The following PARD3 variants were observed in gnomAD, a reference collection of about 807,000 sequenced individuals.
The protein encoded by PARD3 is partitioning defective 3 homolog.
Under a neutral mutation model 155.4 loss-of-function variants are expected in PARD3, and 75 were observed. The observed-to-expected ratio is 0.48, with a 90% CI of 0.40 to 0.58. The LOEUF is 0.58. Among genes scored for constraint, PARD3 ranks in the 20% least tolerant of loss-of-function variants. PARD3 has a pLI of 0.00. For missense variants in PARD3, 1,642 were observed against 1,721.7 expected, an observed-to-expected ratio of 0.95 and a Z score of 0.82; for synonymous variants, 576 against 610.5, an observed-to-expected ratio of 0.94 and a Z score of 0.83.
intron 22 of PARD3, among the ~76,000 whole-genome samples, chr10:34,137,661 G>A (rs1372572300): frequency 6.6e-6 from 1 of 152,188 alleles, no homozygotes; most frequent in Non-Finnish European, 1.5e-5. Context: ...GAAACTGATT[G>A]TATGCTGGGT....
chr10:34,460,517 AG>A, intron 4 of PARD3, among the ~76,000 whole-genome samples: 1 of 152,300 alleles, frequency 6.6e-6, no homozygotes, highest in East Asian at 1.9e-4. Context: ...TAAACTCTCC[AG>A]GGCTCTACTT....
intron 2 of PARD3, among the ~76,000 whole-genome samples, chr10:34,590,139 G>A (rs1489534082): frequency 6.6e-6 from 1 of 152,038 alleles, no homozygotes; most frequent in Non-Finnish European, 1.5e-5. Context: ...CCTTCTCAAG[G>A]CTCTTCTCTT....
chr10:34,129,680 TTTTTTGTAATGTCAAGCCTC>T (rs147092499), intron 23 of PARD3, among the ~76,000 whole-genome samples: 27,601 of 140,234 alleles, frequency 0.2, 3,037 homozygotes, highest in Middle Eastern at 0.33. Flanking sequence ...ATGTTCCTTT[TTTTTTGTAATGTCAAGCCTC>T]TTTTTTTTTT....
At chr10:34,530,914 G>A (rs1316319292) in intron 2 of PARD3, among the ~76,000 whole-genome samples, 2 of 152,184 alleles carry the variant, frequency 1.3e-5, no homozygotes, top group Non-Finnish European at 2.9e-5. Context: ...AGGGGCGTTG[G>A]TCAATATCAA....
chr10:34,492,113 G>T (rs2079952116), intron 3 of PARD3, among the ~76,000 whole-genome samples: 1 of 152,170 alleles, frequency 6.6e-6, no homozygotes, highest in Non-Finnish European at 1.5e-5. Flanking sequence ...ATTAAGTAGG[G>T]ATGGTGATCA....
In PARD3 at chr10:34,516,122, G is replaced by A. The variant is rs372882387; in HGVS notation, c.403+857C>T. ...TGGGATTACAGGCAACCGCCACCAC[G>A]CCTGGCTAATTTTTGTATTTTTAGT... On this transcript the variant is annotated intron_variant, in intron 3 of 24. Coordinates refer to ENST00000374788, the MANE Select transcript of PARD3 (RefSeq NM_001184785.2). 4.7e-4 allele frequency among the ~76,000 whole-genome samples: 71 copies of A among 152,000 alleles called. 1 individual carries two copies. In the East Asian group the frequency reaches 7.9e-3, roughly 17 times the overall value.
intron 1 of PARD3, among the ~76,000 whole-genome samples, chr10:34,730,262 C>T (rs1241588082): frequency 6.6e-6 from 1 of 152,036 alleles, no homozygotes; most frequent in East Asian, 1.9e-4. Flanking sequence ...ACAAAAGCAA[C>T]GCATCTACAA....
intron 1 of PARD3, among the ~76,000 whole-genome samples, chr10:34,759,709 G>A (rs1564589334): frequency 6.6e-6 from 1 of 152,220 alleles, no homozygotes; most frequent in Non-Finnish European, 1.5e-5. Context: ...TACGCACAAG[G>A]ATTTCAGCCA....
intron 2 of PARD3, among the ~76,000 whole-genome samples, chr10:34,538,038 C>CT (rs1201795921): frequency 6.6e-6 from 1 of 152,180 alleles, no homozygotes; most frequent in Admixed American, 6.5e-5. Context: ...ACACTTCATC[C>CT]TAAGTGTAAT....
intron 5 of PARD3, among the ~76,000 whole-genome samples, chr10:34,445,065 T>C (rs1424878988): frequency 6.6e-6 from 1 of 152,186 alleles, no homozygotes; most frequent in African/African-American, 2.4e-5. Flanking sequence ...AGAGGATTTT[T>C]TTTTTTAAGC....
intron 7 of PARD3, among the ~76,000 whole-genome samples, chr10:34,393,241 C>T (rs1843002525): frequency 6.6e-6 from 1 of 150,756 alleles, no homozygotes; most frequent in South Asian, 2.1e-4. Flanking sequence ...GTGCCACAGA[C>T]TTAAGAATAA....
chr10:34,722,492 A>G (rs895593232), intron 1 of PARD3, among the ~76,000 whole-genome samples: 1 of 152,140 alleles, frequency 6.6e-6, no homozygotes, highest in Admixed American at 6.6e-5. Flanking sequence ...AGAAATGAGG[A>G]CTGAAGAACC....
intron 1 of PARD3, among the ~76,000 whole-genome samples, chr10:34,804,454 AG>A (rs1843135711): frequency 6.6e-6 from 1 of 152,214 alleles, no homozygotes; most frequent in Non-Finnish European, 1.5e-5. Flanking sequence ...CCTGTGTTGT[AG>A]TACATCAGGA....
At chr10:34,175,886 C>T (rs1242348434) in intron 22 of PARD3, among the ~76,000 whole-genome samples, 1 of 152,150 alleles carries the variant, frequency 6.6e-6, no homozygotes, top group Non-Finnish European at 1.5e-5. Context: ...CAGGTGTTTA[C>T]GTTCCTAAGC....
At chr10:34,689,250 G>A (rs574549386) in intron 2 of PARD3, among the ~76,000 whole-genome samples, 1 of 152,294 alleles carries the variant, frequency 6.6e-6, no homozygotes, top group Admixed American at 6.5e-5. Flanking sequence ...AATCAGGATC[G>A]AATGTCAGAG....
rs79773919 is a variant in PARD3 at position 34,211,281 on chromosome 10, C to T, written c.3419+58376G>A. On this transcript the variant is annotated intron_variant, in intron 22 of 24. Coordinates refer to ENST00000374788, the MANE Select transcript of PARD3 (RefSeq NM_001184785.2). ...TAAGGATTTGGGCCCAGTTCTGGCC[C>T]GTGTGACCCCAAGCCCTGGTAGGCC... is the stretch of plus-strand genomic sequence containing the variant. 7.7e-3 allele frequency among the ~76,000 whole-genome samples: 1,173 copies of T among 152,276 alleles called. 27 individuals are homozygous for T. The highest frequency in any genetic ancestry group is 0.027 in the African/African-American group (1,128 of 41,544).
chr10:34,715,821 A>C (rs2094512533), intron 1 of PARD3, among the ~76,000 whole-genome samples: 1 of 152,244 alleles, frequency 6.6e-6, no homozygotes, highest in African/African-American at 2.4e-5. Flanking sequence ...GGTCTAGCAT[A>C]CGAATCAACT....
chr10:34,264,772 C>CAGA (rs1955212323), intron 22 of PARD3, among the ~76,000 whole-genome samples: 1 of 147,414 alleles, frequency 6.8e-6, no homozygotes, highest in African/African-American at 2.5e-5. Context: ...TTTTAAGAGA[C>CAGA]AGAATCTTAT....
chr10:34,402,025 A>G, intron 5 of PARD3, 108 bp from the exon 6 acceptor site: 1 of 866,822 alleles, frequency 1.2e-6, no homozygotes, highest in Non-Finnish European at 2.0e-6. Flanking sequence ...TGATCTTGGT[A>G]ACTGTTTCCT....
Sources: gnomAD v4.1 joint callset for allele counts (sites outside exome capture counted in the v4.1 genomes callset) on GRCh38, gnomAD v4.1.1 for gene constraint, MANE v1.5 for transcripts, NCBI Gene and HGNC (gene_info 2026-07-23, HGNC 2026-07-21) for gene names.